ANKRD28: variants seen among roughly 807,000 people sequenced by gnomAD.
ANKRD28 encodes the protein ankyrin repeat domain 28.
In ANKRD28, 44 loss-of-function variants were observed where a neutral mutation model predicts 126.5. That is an observed-to-expected ratio of 0.35 (90% CI 0.27 to 0.45). The LOEUF (loss-of-function observed/expected upper bound fraction) is 0.45, where lower values mean the gene tolerates loss of function less well. Ranked by LOEUF, ANKRD28 falls within the 20% of genes least tolerant of loss-of-function variation. The pLI is 1.00. For missense variants in ANKRD28, 1,110 were observed against 1,316.6 expected (o/e 0.84, Z 2.43); for synonymous variants, 442 against 468.5 (o/e 0.94, Z 0.73).
chr3:15,754,523 C>T (rs1244262218), intron 3 of ANKRD28, among the ~76,000 whole-genome samples: 1 of 151,988 alleles, frequency 6.6e-6, no homozygotes, highest in Non-Finnish European at 1.5e-5. Flanking sequence ...TTGCTAAGAT[C>T]TACAGTAAGA....
In ANKRD28 at chr3:15,813,771, T is replaced by C. The variant is rs80153712; in HGVS notation, c.28-18465A>G. On this transcript the variant is annotated intron_variant, in intron 1 of 27. Coordinates refer to the ANKRD28 transcript ENST00000399451. ...GAAAACATAGGAGTCACTCAAATAA[T>C]TGAGGTTCCCCAGTGATTACTGAAT... 5.8e-3 allele frequency among the ~76,000 whole-genome samples: 877 copies of C among 152,282 alleles called. 23 individuals are homozygous for C. In the East Asian group the frequency reaches 0.073, roughly 13 times the overall value.
intron 14 of ANKRD28, among the ~76,000 whole-genome samples, chr3:15,706,699 C>T (rs2071480453): frequency 6.6e-6 from 1 of 152,264 alleles, no homozygotes; most frequent in Middle Eastern, 3.4e-3. Flanking sequence ...AGTTTATAGT[C>T]CCACCAACAG....
At chr3:15,825,475 G>A (rs561240733) in intron 1 of ANKRD28, among the ~76,000 whole-genome samples, 7 of 152,218 alleles carry the variant, frequency 4.6e-5, no homozygotes, top group African/African-American at 1.7e-4. Context: ...GGGGAGGAAG[G>A]CTGAACTGCA....
chr3:15,716,833 A>C (rs112983005), intron 8 of ANKRD28, among the ~76,000 whole-genome samples: 1 of 152,202 alleles, frequency 6.6e-6, no homozygotes, highest in Non-Finnish European at 1.5e-5. Context: ...ACGGTGGCTC[A>C]TATCTATAAT....
chr3:15,789,787 A>G (rs978036534), intron 2 of ANKRD28, among the ~76,000 whole-genome samples: 4 of 152,082 alleles, frequency 2.6e-5, no homozygotes, highest in African/African-American at 7.2e-5. Flanking sequence ...ATATGAATAT[A>G]TAATTTTTTA....
intron 2 of ANKRD28, among the ~76,000 whole-genome samples, chr3:15,789,388 T>A (rs1048095754): frequency 2.6e-5 from 4 of 151,894 alleles, no homozygotes; most frequent in Admixed American, 1.3e-4. Context: ...AATGGAACCT[T>A]AGGAAGGAAT....
intron 1 of ANKRD28, among the ~76,000 whole-genome samples, chr3:15,820,924 T>C (rs1182145304): frequency 1.3e-5 from 2 of 152,210 alleles, no homozygotes; most frequent in Non-Finnish European, 2.9e-5. Flanking sequence ...CACTAAACTT[T>C]ACAGCAATAC....
chr3:15,673,073 G>T (rs1249636192), intron 27 of ANKRD28, among the ~76,000 whole-genome samples: 6 of 152,144 alleles, frequency 3.9e-5, no homozygotes, highest in Admixed American at 3.9e-4. Context: ...CACCATGCCC[G>T]GCCAGTTTTA....
intron 17 of ANKRD28, among the ~76,000 whole-genome samples, chr3:15,691,466 A>G (rs1451776094): frequency 2.0e-5 from 3 of 152,230 alleles, no homozygotes; most frequent in Non-Finnish European, 4.4e-5. Flanking sequence ...GGCTTTCCAG[A>G]AAAGTCTTTT....
intron 1 of ANKRD28, among the ~76,000 whole-genome samples, chr3:15,824,840 G>C (rs896445948): frequency 6.6e-6 from 1 of 152,232 alleles, no homozygotes; most frequent in Non-Finnish European, 1.5e-5. Context: ...CTAATAGAGG[G>C]CAGGATGCAA....
At chr3:15,829,574 A>C (rs951572866) in intron 1 of ANKRD28, among the ~76,000 whole-genome samples, 1 of 152,190 alleles carries the variant, frequency 6.6e-6, no homozygotes, top group Non-Finnish European at 1.5e-5. Flanking sequence ...TTACAATATC[A>C]TATATCAGTA....
chr3:15,705,269 C>T (rs1463254816), intron 14 of ANKRD28, among the ~76,000 whole-genome samples: 1 of 152,170 alleles, frequency 6.6e-6, no homozygotes, highest in Non-Finnish European at 1.5e-5. Flanking sequence ...GATTGGCTTA[C>T]AATGAAACCA....
intron 1 of ANKRD28, among the ~76,000 whole-genome samples, chr3:15,834,747 A>G (rs763599687): frequency 1.3e-5 from 2 of 152,198 alleles, no homozygotes; most frequent in Non-Finnish European, 1.5e-5. Flanking sequence ...AGCAAAAACA[A>G]AGCTATTTAT....
rs1553616153 is a variant in ANKRD28 at position 15,743,580 on chromosome 3, A to ACACACACACACACG, written c.352-6361_352-6348dup. Among the ~76,000 whole-genome samples, 123 of 150,568 alleles carry ACACACACACACACG rather than the reference A, an allele frequency of 8.2e-4. 1 individual carries two copies. The highest frequency in any genetic ancestry group is 2.8e-3 in the African/African-American group (114 of 40,390). Reference sequence around the variant, plus strand: ...CACACACACACACACACACACACACACACACACACACACGCACACCAAAAA... The same window carrying ACACACACACACACG: ...CACACACACACACACACACACACACACACACACACACACGCACACACACACACGCACACCAAAAA... On this transcript the variant is annotated intron_variant, in intron 4 of 27. Coordinates refer to ENST00000683139, the MANE Select transcript of ANKRD28 (RefSeq NM_001349278.2).
intron 7 of ANKRD28, among the ~76,000 whole-genome samples, 195 bp from the exon 8 acceptor site, chr3:15,721,322 T>C (rs1409734826): frequency 3.3e-5 from 5 of 152,218 alleles, no homozygotes; most frequent in Non-Finnish European, 5.9e-5. Flanking sequence ...TGGTATTACA[T>C]TGATTTTATA....
Position 15,766,311 on chromosome 3 carries a change from T to C in ANKRD28, c.203A>G (p.Asp68Gly). Residue 68 changes from aspartate to glycine, a missense_variant and splice_region_variant, in exon 3 of 28, where the codon GAC becomes GGC. Coordinates refer to ENST00000683139, the MANE Select transcript of ANKRD28 (RefSeq NM_001349278.2). ...GTGCAATGGGGTTCGCTTTTCATTG[T>C]CCTGTGATAATAAGGAAAGGTGGGA... Reference protein sequence around the residue: ...IFKKEDVNFQDNEKRTPLHAA... With the variant: ...IFKKEDVNFQGNEKRTPLHAA... The C allele has an allele frequency of 6.2e-7, 1 of 1,607,970 alleles. No homozygotes were observed. The highest frequency in any genetic ancestry group is 8.5e-7 in the Non-Finnish European group (1 of 1,176,516).
At chr3:15,728,994 G>A (rs935480070) in intron 6 of ANKRD28, among the ~76,000 whole-genome samples, 6 of 152,156 alleles carry the variant, frequency 3.9e-5, no homozygotes, top group African/African-American at 1.4e-4. Flanking sequence ...AAGGACCCAG[G>A]CTCATGTAAC....
intron 2 of ANKRD28, among the ~76,000 whole-genome samples, chr3:15,768,610 C>A (rs1055010663): frequency 6.6e-6 from 1 of 151,998 alleles, no homozygotes; most frequent in African/African-American, 2.4e-5. Flanking sequence ...TATGACCATG[C>A]CATTGCACTC....
In ANKRD28 at chr3:15,712,167, C is replaced by G; in HGVS notation, c.1246G>C (p.Asp416His). The change falls in exon 11 of 28, where the codon GAT becomes CAT. Residue 416 changes from aspartate (D) to histidine (H), a missense_variant. Asp to His is a moderately conservative substitution (Grantham distance 81). Transcript: ENST00000683139. ...LHLAALSGFSDCCRKLLSSGF... is the reference protein window; with the variant it reads ...LHLAALSGFSHCCRKLLSSGF... The stretch of plus-strand genomic sequence containing the variant: ...GAAGAAAGAAGTTTTCTGCAGCAAT[C>G]TGAAAAGCCGCTTAAGGCTGCCAAA... 1 of 1,583,626 alleles carries G rather than the reference C, an allele frequency of 6.3e-7. No individual in the cohort carries two copies.
Sources: gnomAD v4.1 joint callset for allele counts (sites outside exome capture counted in the v4.1 genomes callset) on GRCh38, gnomAD v4.1.1 for gene constraint, MANE v1.5 for transcripts, NCBI Gene and HGNC (gene_info 2026-07-23, HGNC 2026-07-21) for gene names.